NEDD4L: variants seen among roughly 807,000 people sequenced by gnomAD.
The protein encoded by NEDD4L is E3 ubiquitin-protein ligase NEDD4-like.
NEDD4L carries 54 observed loss-of-function variants against 148.9 expected under a neutral mutation model. The ratio of observed to expected loss-of-function variants is 0.36; its 90% CI spans 0.29 to 0.45. NEDD4L has a LOEUF of 0.45. NEDD4L is among the 20% of genes least tolerant of loss of function. The probability of loss-of-function intolerance (pLI) is 1.00; values close to 1 mark genes in which losing one functional copy is unlikely to be tolerated. For missense variants in NEDD4L, 856 were observed against 1,233.8 expected (o/e 0.69, Z 4.59); for synonymous variants, 433 against 440.7 (o/e 0.98, Z 0.22).
chr18:58,314,748 C>T (rs143249136), intron 5 of NEDD4L, among the ~76,000 whole-genome samples: 26 of 152,270 alleles, frequency 1.7e-4, no homozygotes, highest in African/African-American at 5.8e-4. Flanking sequence ...ATACCCAAAC[C>T]GTGGTAACTT....
At chr18:58,260,331 C>G (rs1310818350) in intron 5 of NEDD4L, among the ~76,000 whole-genome samples, 4 of 152,168 alleles carry the variant, frequency 2.6e-5, no homozygotes, top group Non-Finnish European at 4.4e-5. Flanking sequence ...CAATATATAT[C>G]TTCAAATGTC....
At chr18:58,324,887 C>CT in intron 8 of NEDD4L, 109 bp from the exon 9 acceptor site, 2 of 1,014,228 alleles carry the variant, frequency 2.0e-6, no homozygotes, top group Non-Finnish European at 2.9e-6. Flanking sequence ...ATGGCTAGAG[C>CT]CAGAGAGCCC....
At chr18:58,104,342 A>G (rs1726481201) in intron 1 of NEDD4L, among the ~76,000 whole-genome samples, 1 of 152,224 alleles carries the variant, frequency 6.6e-6, no homozygotes, top group African/African-American at 2.4e-5. Context: ...GGGGCGCGGT[A>G]GGGAAATGAG....
chr18:58,141,443 A>G (rs866392938), intron 1 of NEDD4L, among the ~76,000 whole-genome samples: 3 of 152,214 alleles, frequency 2.0e-5, no homozygotes, highest in African/African-American at 7.2e-5. Context: ...TGGGATGGAA[A>G]TAAGGCAAAA....
At chr18:58,212,529 G>A (rs2042697406) in intron 2 of NEDD4L, among the ~76,000 whole-genome samples, 1 of 152,182 alleles carries the variant, frequency 6.6e-6, no homozygotes, top group African/African-American at 2.4e-5. Context: ...ACCTGCATCT[G>A]TGATTCAGTT....
chr18:58,352,766 TA>T (rs1195371675), intron 18 of NEDD4L, among the ~76,000 whole-genome samples: 1 of 152,242 alleles, frequency 6.6e-6, no homozygotes, highest in African/African-American at 2.4e-5. Flanking sequence ...TCTTTACTGG[TA>T]ACACATCCTG....
At chr18:58,308,992 ACGCTGTCCTCAG>A (rs1173620943) in intron 5 of NEDD4L, among the ~76,000 whole-genome samples, 3 of 152,092 alleles carry the variant, frequency 2.0e-5, no homozygotes, top group Non-Finnish European at 4.4e-5. Context: ...GGGTGACTTC[ACGCTGTCCTCAG>A]CGCTGTCCTC....
chr18:58,347,416 G>A (rs1044539480), intron 16 of NEDD4L, among the ~76,000 whole-genome samples: 6 of 152,120 alleles, frequency 3.9e-5, no homozygotes, highest in African/African-American at 7.2e-5. Context: ...GTCCCCCGCT[G>A]GTTGTGGCGT....
intron 2 of NEDD4L, among the ~76,000 whole-genome samples, chr18:58,212,354 T>G (rs527425205): frequency 2.6e-5 from 4 of 152,242 alleles, no homozygotes; most frequent in Admixed American, 2.0e-4. Context: ...GGTTTCACAG[T>G]TTCACATGGC....
chr18:58,306,732 TCTC>T (rs2057109191), intron 5 of NEDD4L, among the ~76,000 whole-genome samples: 1 of 152,072 alleles, frequency 6.6e-6, no homozygotes, highest in African/African-American at 2.4e-5. Flanking sequence ...TTCAAGCAAT[TCTC>T]CTGCCTCAGC....
At chr18:58,373,544 C>G (rs1397210676) in intron 24 of NEDD4L, among the ~76,000 whole-genome samples, 1 of 152,224 alleles carries the variant, frequency 6.6e-6, no homozygotes, top group African/African-American at 2.4e-5. Flanking sequence ...GTGAATGTTT[C>G]ATTTGTGCCT....
intron 22 of NEDD4L, among the ~76,000 whole-genome samples, chr18:58,369,315 C>A (rs1272122056): frequency 1.3e-5 from 2 of 152,232 alleles, no homozygotes; most frequent in African/African-American, 4.8e-5. Context: ...TCTCAAGGAG[C>A]TGGCTAAAGT....
chr18:58,289,251 G>T (rs2054358818), intron 5 of NEDD4L, among the ~76,000 whole-genome samples: 1 of 152,166 alleles, frequency 6.6e-6, no homozygotes, highest in Admixed American at 6.5e-5. Flanking sequence ...ACGCTCAGTT[G>T]CATCTTTAAA....
chr18:58,237,304 A>G (rs1280213958), intron 2 of NEDD4L, among the ~76,000 whole-genome samples: 1 of 152,140 alleles, frequency 6.6e-6, no homozygotes, highest in Non-Finnish European at 1.5e-5. Context: ...CAATTGTGAA[A>G]CAGTTTCCAA....
chr18:58,174,891 TTTTG>T (rs1338470057), intron 2 of NEDD4L, among the ~76,000 whole-genome samples: 1 of 152,212 alleles, frequency 6.6e-6, no homozygotes, highest in African/African-American at 2.4e-5. Context: ...GGATTGGAAA[TTTTG>T]TTTTTTTCTT....
At chr18:58,210,877 ACACGAATG>A (rs1378778663) in intron 2 of NEDD4L, among the ~76,000 whole-genome samples, 2 of 152,220 alleles carry the variant, frequency 1.3e-5, no homozygotes, top group Admixed American at 1.3e-4. Context: ...GTGCATCAAA[ACACGAATG>A]CACTATAATC....
chr18:58,345,076 C>T (rs1319257991), intron 16 of NEDD4L, among the ~76,000 whole-genome samples: 1 of 152,194 alleles, frequency 6.6e-6, no homozygotes, highest in Non-Finnish European at 1.5e-5. Context: ...TTTTACTTTC[C>T]AGTTGCGCCT....
intron 1 of NEDD4L, among the ~76,000 whole-genome samples, chr18:58,132,763 G>GT (rs886935362): frequency 6.6e-6 from 1 of 152,026 alleles, no homozygotes; most frequent in Non-Finnish European, 1.5e-5. Context: ...TCTCTTTTTT[G>GT]TTTTTTTAAG....
intron 1 of NEDD4L, among the ~76,000 whole-genome samples, chr18:58,156,282 C>A (rs143772066): frequency 1.3e-3 from 192 of 152,266 alleles, no homozygotes; most frequent in Non-Finnish European, 2.0e-3. Flanking sequence ...TCGGATACCC[C>A]CTTCCGCAAA....
Sources: gnomAD v4.1 joint callset for allele counts (sites outside exome capture counted in the v4.1 genomes callset) on GRCh38, gnomAD v4.1.1 for gene constraint, MANE v1.5 for transcripts, NCBI Gene and HGNC (gene_info 2026-07-23, HGNC 2026-07-21) for gene names.